The following CCDC174 variants were observed in gnomAD, a reference collection of about 807,000 sequenced individuals.
CCDC174 encodes the protein coiled-coil domain-containing protein 174.
CCDC174 carries 37 observed loss-of-function variants against 57.1 expected under a neutral mutation model. The ratio of observed to expected loss-of-function variants is 0.65; its 90% CI spans 0.50 to 0.85. The LOEUF (loss-of-function observed/expected upper bound fraction) is 0.85. Ranked by LOEUF, CCDC174 falls within the 40% of genes least tolerant of loss-of-function variation. The pLI is 0.00. For synonymous variants in CCDC174, 182 were observed against 190.2 expected (o/e 0.96, Z 0.35); for missense variants, 540 against 574.3 (o/e 0.94, Z 0.61).
rs752318450 is a variant in CCDC174, at chr3:14,651,806, C to T, written c.-31C>T. ...GAGGCCTGTGTCGGGTAGAAAGGGTCCTTCCTGGACCGGGACCCTCTGCCA... is the reference window on the plus strand; with the variant it reads ...GAGGCCTGTGTCGGGTAGAAAGGGTTCTTCCTGGACCGGGACCCTCTGCCA... On this transcript the variant is annotated 5_prime_UTR_variant, in exon 1 of 11. Transcript: ENST00000383794. 21 of 1,613,424 alleles carry T rather than the reference C, an allele frequency of 1.3e-5. 1 individual carries two copies. The highest frequency in any genetic ancestry group is 6.6e-5 in the South Asian group (6 of 91,050).
Position 14,670,879 on chromosome 3 carries a change from T to A in CCDC174, c.1106-17T>A. 6.3e-7 allele frequency: 1 copy of A among 1,575,134 alleles called. No homozygotes were observed. Among genetic ancestry groups the A allele is most frequent in the Non-Finnish European group, 8.6e-7 (1 of 1,156,612 alleles). ...TCGTTAATCAGTTCTAATAACTTTC[T>A]TTCTTATTTTTACCAGAATTTTCCT... On this transcript the variant is annotated splice_polypyrimidine_tract_variant and intron_variant, in intron 10 of 10. Coordinates refer to ENST00000383794, the MANE Select transcript of CCDC174 (RefSeq NM_016474.5).
Position 14,651,872 on chromosome 3 carries a change from C to A in CCDC174, c.36C>A (p.Ala12=), listed in dbSNP as rs372786848. ...DRRKKPLDVT[A]SSLVDLKAEL... is the part of the protein sequence containing the mutation. ...GGAAAAAGCCTTTGGACGTCACGGC[C>A]TCCTCGGTGAGTGAGGGTATGAGGT... is the stretch of plus-strand genomic sequence containing the variant. Residue 12 remains alanine, a synonymous_variant, in exon 1 of 11, where the codon GCC becomes GCA. Coordinates refer to ENST00000383794, the MANE Select transcript of CCDC174 (RefSeq NM_016474.5). 1.5e-5 allele frequency: 25 copies of A among 1,614,094 alleles called. 1 individual carries two copies. The South Asian group carries it at 2.5e-4, about 16-fold the overall frequency.
intron 4 of CCDC174, 61 bp from the exon 5 acceptor site, chr3:14,661,469 C>A: frequency 1.4e-6 from 2 of 1,456,334 alleles, no homozygotes; most frequent in Admixed American, 3.9e-5. Context: ...GTGACTGCTT[C>A]TTGTCCATTC....
chr3:14,666,776 A>G, intron 6 of CCDC174, 29 bp from the exon 7 acceptor site: 1 of 1,549,958 alleles, frequency 6.5e-7, no homozygotes, highest in Non-Finnish European at 8.7e-7. Context: ...CCTTATCTGA[A>G]GATAGTTTTT....
At chr3:14,658,797 G>C in intron 3 of CCDC174, 74 bp from the exon 4 acceptor site, 2 of 1,455,760 alleles carry the variant, frequency 1.4e-6, no homozygotes, top group Non-Finnish European at 1.9e-6. Context: ...GTACCTGTCA[G>C]GCAGGGAGTG....
At chr3:14,670,875 T>A in intron 10 of CCDC174, 21 bp from the exon 11 acceptor site, 1 of 1,571,272 alleles carries the variant, frequency 6.4e-7, no homozygotes, top group Non-Finnish European at 8.7e-7. Context: ...TTCTAATAAC[T>A]TTCTTTCTTA....
intron 6 of CCDC174, among the ~76,000 whole-genome samples, chr3:14,666,287 A>T (rs1020096266): frequency 6.6e-5 from 10 of 152,134 alleles, no homozygotes; most frequent in African/African-American, 2.4e-4. Flanking sequence ...CTCAGGCAAG[A>T]TTCCGTCAGG....
At position 14,660,993 on chromosome 3, in the gene CCDC174, G is replaced by A. The variant is rs112332691; in HGVS notation, c.308-537G>A. On this transcript the variant is annotated intron_variant, in intron 4 of 10. Transcript: ENST00000383794. ...ATATCTGTATATGCCCTGCAGGGCC[G>A]GGCTCTATGCCTTGCCTGGAATTGG... Among the ~76,000 whole-genome samples, 1,286 of 152,298 alleles carry A rather than the reference G, an allele frequency of 8.4e-3. 13 individuals are homozygous for A. The highest frequency in any genetic ancestry group is 0.028 in the African/African-American group (1,161 of 41,544).
chr3:14,665,776 A>T (rs2031313864), intron 6 of CCDC174, among the ~76,000 whole-genome samples: 1 of 152,100 alleles, frequency 6.6e-6, no homozygotes, highest in Non-Finnish European at 1.5e-5. Context: ...CACGCCTGTA[A>T]TCCCAGCACT....
rs765624534 is a variant in CCDC174 at position 14,651,790 on chromosome 3, G to A, written c.-47G>A. On this transcript the variant is annotated 5_prime_UTR_variant, in exon 1 of 11. Coordinates refer to ENST00000383794, the MANE Select transcript of CCDC174 (RefSeq NM_016474.5). ...ACGGAGGTAGGCTTACGAGGCCTGT[G>A]TCGGGTAGAAAGGGTCCTTCCTGGA... 7 of 1,607,418 alleles carry A rather than the reference G, an allele frequency of 4.4e-6. No homozygotes were observed. The highest frequency in any genetic ancestry group is 6.0e-6 in the Non-Finnish European group (7 of 1,174,060).
intron 1 of CCDC174, among the ~76,000 whole-genome samples, chr3:14,654,053 T>C (rs1179192394): frequency 1.3e-5 from 2 of 152,206 alleles, no homozygotes; most frequent in Non-Finnish European, 2.9e-5. Flanking sequence ...TAGAAATAAG[T>C]TGTGATGATG....
chr3:14,653,988 G>A lies in CCDC174; in HGVS notation c.43-438G>A, dbSNP rs79245871. ...GTAGGCTCTTTGAGGCAGAGAGTAT[G>A]TCTAATTCATGTTTATGTTCTGCTC... is the stretch of plus-strand genomic sequence containing the variant. On this transcript the variant is annotated intron_variant, in intron 1 of 10. Transcript: ENST00000383794. Among the ~76,000 whole-genome samples, 129 of 152,292 alleles carry A rather than the reference G, an allele frequency of 8.5e-4. 1 individual carries two copies. The highest frequency in any genetic ancestry group is 3.0e-3 in the African/African-American group (124 of 41,560).
chr3:14,664,996 T>C (rs757093845), intron 5 of CCDC174, 32 bp from the exon 6 acceptor site: 2 of 1,507,024 alleles, frequency 1.3e-6, no homozygotes, highest in South Asian at 2.2e-5. Context: ...TGTGTACAAG[T>C]CCTTCTTCAC....
chr3:14,667,987 T>A, intron 8 of CCDC174, 62 bp from the exon 9 acceptor site: 1 of 1,514,074 alleles, frequency 6.6e-7, no homozygotes, highest in Non-Finnish European at 8.9e-7. Flanking sequence ...AAATTTCATC[T>A]TTTTGGACAG....
chr3:14,653,034 C>A (rs555272344), intron 1 of CCDC174, among the ~76,000 whole-genome samples: 2 of 152,262 alleles, frequency 1.3e-5, no homozygotes, highest in Admixed American at 6.5e-5. Flanking sequence ...GAATTTACTT[C>A]AGAGTATTAG....
intron 1 of CCDC174, 146 bp from the exon 2 acceptor site, chr3:14,654,280 C>T (rs539934028): frequency 7.9e-5 from 49 of 617,410 alleles, no homozygotes; most frequent in Admixed American, 2.1e-4. Flanking sequence ...TACATTTAAA[C>T]ATTTAGTTAC....
intron 5 of CCDC174, among the ~76,000 whole-genome samples, chr3:14,662,893 T>C (rs1559381603): frequency 6.6e-6 from 1 of 152,246 alleles, no homozygotes; most frequent in African/African-American, 2.4e-5. Context: ...CTCATTGGGA[T>C]AAAACAGGTA....
At chr3:14,665,945 G>A (rs2031319469) in intron 6 of CCDC174, among the ~76,000 whole-genome samples, 1 of 151,336 alleles carries the variant, frequency 6.6e-6, no homozygotes, top group South Asian at 2.1e-4. Context: ...GGCTGAGGCA[G>A]GAGAATGGCG....
At position 14,670,005 on chromosome 3, in the gene CCDC174, A is replaced by G. The variant is rs757500280; in HGVS notation, c.1024A>G (p.Ser342Gly). Residue 342 changes from serine to glycine, a missense_variant, in exon 10 of 11, where the codon AGC becomes GGC. By Grantham distance (56) the Ser-to-Gly change is moderately conservative (BLOSUM62 0). Coordinates refer to ENST00000383794, the MANE Select transcript of CCDC174 (RefSeq NM_016474.5). ...VPTPRPAAQS[S>G]KVEVIVQERK... Reference sequence around the variant, plus strand: ...AACCCCACGTCCTGCTGCCCAGAGTAGCAAAGTAGAAGTCATTGTCCAGGA... The same window carrying G: ...AACCCCACGTCCTGCTGCCCAGAGTGGCAAAGTAGAAGTCATTGTCCAGGA... 3.1e-6 allele frequency: 5 copies of G among 1,612,326 alleles called. No homozygotes were observed. Among genetic ancestry groups the G allele is most frequent in the Non-Finnish European group, 4.2e-6 (5 of 1,179,592 alleles).
Sources: gnomAD v4.1 joint callset for allele counts (sites outside exome capture counted in the v4.1 genomes callset) on GRCh38, gnomAD v4.1.1 for gene constraint, MANE v1.5 for transcripts, NCBI Gene and HGNC (gene_info 2026-07-23, HGNC 2026-07-21) for gene names.